The following QTGAL variants were observed in gnomAD, a reference collection of about 807,000 sequenced individuals.
QTGAL encodes the protein BGnT-like protein 1.
At chr17:83,008,866 G>A in the QTGAL span, among the ~76,000 whole-genome samples, 4 of 152,128 alleles carry the variant, frequency 2.6e-5, no homozygotes, top group Admixed American at 6.5e-5. Context: ...CCCTGCCGCC[G>A]AACGAGTGTG....
the QTGAL span, among the ~76,000 whole-genome samples, chr17:82,973,540 T>G: frequency 0.45 from 66,907 of 150,040 alleles, 15,411 homozygotes; most frequent in African/African-American, 0.58. Flanking sequence ...AGGATTGGAG[T>G]CCGGCTCTCA....
At chr17:82,989,495 TAAAA>T in the QTGAL span, among the ~76,000 whole-genome samples, 59 of 122,482 alleles carry the variant, frequency 4.8e-4, no homozygotes, top group Admixed American at 6.6e-4. Flanking sequence ...ATTCTGGAAC[TAAAA>T]AAAAAAAAAA....
chr17:82,997,932 T>A, the QTGAL span, among the ~76,000 whole-genome samples: 8,293 of 116,470 alleles, frequency 0.071, 318 homozygotes, highest in Non-Finnish European at 0.089. Flanking sequence ...AAAAAAAAAA[T>A]ATATATATAT....
At chr17:82,970,606 C>T in the QTGAL span, among the ~76,000 whole-genome samples, 1 of 134,078 alleles carries the variant, frequency 7.5e-6, no homozygotes, top group Non-Finnish European at 1.5e-5. Context: ...CCGGCGTGGC[C>T]GCGACCTCCC....
At chr17:82,997,021 G>A in the QTGAL span, among the ~76,000 whole-genome samples, 5 of 152,142 alleles carry the variant, frequency 3.3e-5, no homozygotes, top group Admixed American at 3.3e-4. Context: ...ACAAGCACAG[G>A]CAACCAAAGC....
At chr17:83,030,933 C>T in the QTGAL span, 32,008 of 152,196 alleles carry the variant, frequency 0.21, 3,466 homozygotes, top group Non-Finnish European at 0.25. Flanking sequence ...AAAACCTGGT[C>T]GGCTCAGAAG....
chr17:82,957,095 G>A, the QTGAL span: 1 of 1,566,582 alleles, frequency 6.4e-7, no homozygotes. Flanking sequence ...GGTGGACTCT[G>A]CCAAGGGGGA....
chr17:82,950,943 AG>A, the QTGAL span, among the ~76,000 whole-genome samples: 1 of 152,234 alleles, frequency 6.6e-6, no homozygotes, highest in East Asian at 1.9e-4. Context: ...CTCATTCCTA[AG>A]AATCCTAGGA....
the QTGAL span, among the ~76,000 whole-genome samples, chr17:82,950,644 C>T: frequency 3.9e-5 from 6 of 152,170 alleles, no homozygotes; most frequent in African/African-American, 7.2e-5. Context: ...CCTTAGAAAA[C>T]GTCTTTCTCC....
chr17:83,038,814 G>A, the QTGAL span, among the ~76,000 whole-genome samples: 9 of 151,548 alleles, frequency 5.9e-5, no homozygotes, highest in African/African-American at 1.2e-4. Flanking sequence ...AGCCGAGATC[G>A]CGCCACCGCA....
At chr17:82,977,563 G>A in the QTGAL span, among the ~76,000 whole-genome samples, 4 of 152,136 alleles carry the variant, frequency 2.6e-5, no homozygotes, top group African/African-American at 4.8e-5. Flanking sequence ...AGCGAGCAAC[G>A]CCCCAATCCT....
chr17:82,994,504 A>C, the QTGAL span, among the ~76,000 whole-genome samples: 12 of 152,194 alleles, frequency 7.9e-5, 1 homozygote, highest in Admixed American at 2.6e-4. Flanking sequence ...ACCATGAAAA[A>C]ATCCAAAACC....
the QTGAL span, chr17:82,943,493 G>T: frequency 6.6e-6 from 1 of 152,288 alleles, no homozygotes; most frequent in African/African-American, 2.4e-5. Flanking sequence ...GGGGTGCCAT[G>T]TGCGTGGTGT....
the QTGAL span, among the ~76,000 whole-genome samples, chr17:83,009,611 G>A: frequency 6.6e-6 from 1 of 152,172 alleles, no homozygotes; most frequent in South Asian, 2.1e-4. Context: ...CGCCACAGAG[G>A]CCGAGTCCTG....
At chr17:83,020,037 A>G in the QTGAL span, among the ~76,000 whole-genome samples, 1 of 152,190 alleles carries the variant, frequency 6.6e-6, no homozygotes, top group Non-Finnish European at 1.5e-5. Context: ...CCCGGCCAAG[A>G]ATAGAACTAT....
At chr17:82,984,859 G>T in the QTGAL span, among the ~76,000 whole-genome samples, 1 of 152,100 alleles carries the variant, frequency 6.6e-6, no homozygotes, top group Non-Finnish European at 1.5e-5. Flanking sequence ...GGCCCACCCC[G>T]GGTAGCTAGA....
At chr17:82,961,332 C>T in the QTGAL span, 38 of 884,116 alleles carry the variant, frequency 4.3e-5, no homozygotes, top group East Asian at 2.1e-4. Context: ...TCAACAGGGA[C>T]GTGGGGCGGC....
chr17:82,970,568 G>GCACCCAGCGTGGACTGACCTCCC, the QTGAL span, among the ~76,000 whole-genome samples: 1 of 39,488 alleles, frequency 2.5e-5, no homozygotes, highest in Non-Finnish European at 5.5e-5. Context: ...CGCGACCTCC[G>GCACCCAGCGTGGACTGACCTCCC]CACCCGGCGT....
At chr17:82,960,952 G>A in the QTGAL span, 1 of 1,447,286 alleles carries the variant, frequency 6.9e-7, no homozygotes, top group East Asian at 2.5e-5. Flanking sequence ...GGCAGAGCCT[G>A]ACCACAGCCT....
Sources: gnomAD v4.1 joint callset for allele counts (sites outside exome capture counted in the v4.1 genomes callset) on GRCh38, gnomAD v4.1.1 for gene constraint, MANE v1.5 for transcripts, NCBI Gene and HGNC (gene_info 2026-07-23, HGNC 2026-07-21) for gene names.